PXDNL: variants seen among roughly 807,000 people sequenced by gnomAD.
PXDNL encodes the protein probable oxidoreductase PXDNL.
PXDNL carries 145 observed loss-of-function variants against 150.8 expected under a neutral mutation model. The ratio of observed to expected loss-of-function variants is 0.96; its 90% CI spans 0.84 to 1.10. The LOEUF (loss-of-function observed/expected upper bound fraction) is 1.10. PXDNL is among the 50% of genes least tolerant of loss of function. PXDNL has a pLI of 0.00. For synonymous variants in PXDNL, 757 were observed against 725.7 expected, an observed-to-expected ratio of 1.04 and a Z score of -0.69; for missense variants, 2,087 against 1,873.9, an observed-to-expected ratio of 1.11 and a Z score of -2.10.
intron 1 of PXDNL, among the ~76,000 whole-genome samples, chr8:51,678,179 A>G (rs1815666682): frequency 6.6e-6 from 1 of 152,226 alleles, no homozygotes; most frequent in Admixed American, 6.5e-5. Flanking sequence ...CAGTATAAGG[A>G]GAAGTAGGAG....
At chr8:51,762,966 C>T (rs1394537915) in intron 1 of PXDNL, among the ~76,000 whole-genome samples, 1 of 152,134 alleles carries the variant, frequency 6.6e-6, no homozygotes, top group Non-Finnish European at 1.5e-5. Context: ...TAAAATTTAT[C>T]TATTTAAAAT....
At chr8:51,336,125 A>C (rs1467790930) in intron 21 of PXDNL, among the ~76,000 whole-genome samples, 2 of 152,206 alleles carry the variant, frequency 1.3e-5, no homozygotes, top group Non-Finnish European at 2.9e-5. Context: ...CTAAAGGATG[A>C]GTCTCAAGAA....
chr8:51,408,708 G>C lies in PXDNL; in HGVS notation c.2916C>G (p.Thr972=), dbSNP rs1441827557. 6.3e-7 allele frequency: 1 copy of C among 1,593,912 alleles called. No individual in the cohort carries two copies. The highest frequency in any genetic ancestry group is 8.5e-7 in the Non-Finnish European group (1 of 1,169,956). Residue 972 remains threonine (T), a synonymous_variant, in exon 17 of 23, where the codon ACC becomes ACG. Coordinates refer to ENST00000356297, the MANE Select transcript of PXDNL (RefSeq NM_144651.5). ...TCCTGTTGTGTTCCCGGAACCACAG[G>C]GTGTGCATGGCGGCCAGAGCCAGAT... ...NEHLALAAMH[T]LWFREHNRMA...
intron 12 of PXDNL, among the ~76,000 whole-genome samples, chr8:51,439,075 G>A (rs983816784): frequency 5.9e-5 from 9 of 152,094 alleles, no homozygotes; most frequent in African/African-American, 2.2e-4. Context: ...ATAAATAAAT[G>A]GTTGTTAATT....
At chr8:51,726,179 C>A (rs1451399430) in intron 1 of PXDNL, among the ~76,000 whole-genome samples, 1 of 152,190 alleles carries the variant, frequency 6.6e-6, no homozygotes, top group African/African-American at 2.4e-5. Context: ...CAAATCAGTT[C>A]TTGAATAGTT....
rs1463490538 is a variant in PXDNL at position 51,409,030 on chromosome 8, G to C, written c.2594C>G (p.Ser865Cys). 3.7e-6 allele frequency: 6 copies of C among 1,610,352 alleles called. No individual in the cohort carries two copies. Among genetic ancestry groups the C allele is most frequent in the Non-Finnish European group, 3.4e-6 (4 of 1,179,756 alleles). The change falls in exon 17 of 23, where the codon TCC becomes TGC. Residue 865 changes from serine to cysteine, a missense_variant. Physicochemically the swap from Ser to Cys is moderately radical, Grantham distance 112. Coordinates refer to ENST00000356297, the MANE Select transcript of PXDNL (RefSeq NM_144651.5). ...THAPCMLFARSSPACASGRPS... is the reference protein window; with the variant it reads ...THAPCMLFARCSPACASGRPS... ...ACGGCCGCTGGCACACGCGGGGCTG[G>C]AGCGCGCGAAGAGCATGCAGGGCGC...
intron 17 of PXDNL, among the ~76,000 whole-genome samples, chr8:51,390,059 C>CG (rs1459040839): frequency 6.6e-6 from 1 of 151,876 alleles, no homozygotes; most frequent in African/African-American, 2.4e-5. Context: ...AGCCATGCCC[C>CG]CCCCACCAAA....
intron 6 of PXDNL, 128 bp from the exon 7 acceptor site, chr8:51,475,269 ATTAAC>A: frequency 2.4e-6 from 2 of 830,414 alleles, no homozygotes; most frequent in Non-Finnish European, 3.7e-6. Context: ...CCAGGATTCT[ATTAAC>A]CAATAAACAG....
chr8:51,559,355 T>TTGATTAA, intron 3 of PXDNL, among the ~76,000 whole-genome samples: 3 of 114,190 alleles, frequency 2.6e-5, no homozygotes, highest in Non-Finnish European at 5.7e-5. Flanking sequence ...GCCACCTTCT[T>TTGATTAA]TCCTGATTAA....
At chr8:51,496,137 A>C (rs1585524885) in intron 5 of PXDNL, among the ~76,000 whole-genome samples, 1 of 152,248 alleles carries the variant, frequency 6.6e-6, no homozygotes. Context: ...TATGGAAATC[A>C]ATAAATGTAA....
At chr8:51,662,091 C>T (rs1815284434) in intron 1 of PXDNL, among the ~76,000 whole-genome samples, 1 of 152,176 alleles carries the variant, frequency 6.6e-6, no homozygotes, top group South Asian at 2.1e-4. Flanking sequence ...CCAAGGAGAG[C>T]TGAGACTTGC....
intron 1 of PXDNL, among the ~76,000 whole-genome samples, chr8:51,745,251 C>A (rs2036970368): frequency 6.6e-6 from 1 of 152,028 alleles, no homozygotes; most frequent in Admixed American, 6.6e-5. Context: ...CTTAAAGGAC[C>A]TTTCATCAGT....
chr8:51,533,524 C>G (rs868624697), intron 4 of PXDNL, among the ~76,000 whole-genome samples: 5,847 of 139,022 alleles, frequency 0.042, 424 homozygotes, highest in African/African-American at 0.14. Flanking sequence ...TCTCCCTCCA[C>G]GGTCTCCCTC....
rs561907008 is a variant in PXDNL at position 51,720,854 on chromosome 8, G to T, written c.165-66094C>A. Among the ~76,000 whole-genome samples, 195 of 152,364 alleles carry T rather than the reference G, an allele frequency of 1.3e-3. 1 individual carries two copies. The highest frequency in any genetic ancestry group is 2.5e-3 in the South Asian group (12 of 4,832). On this transcript the variant is annotated intron_variant, in intron 1 of 22. Transcript: ENST00000356297. ...CCTGTGCAGGCTCCTGCCTAGGCCG[G>T]TGAAGGCAAGATAAGAGCAAGTGTT...
At chr8:51,675,877 G>T (rs1279700824) in intron 1 of PXDNL, among the ~76,000 whole-genome samples, 1 of 151,052 alleles carries the variant, frequency 6.6e-6, no homozygotes, top group Non-Finnish European at 1.5e-5. Flanking sequence ...TGATTTTCCT[G>T]CTGCAACGGA....
At chr8:51,610,042 T>C (rs1813965823) in intron 2 of PXDNL, among the ~76,000 whole-genome samples, 1 of 152,170 alleles carries the variant, frequency 6.6e-6, no homozygotes, top group Non-Finnish European at 1.5e-5. Flanking sequence ...TTTCCATTTT[T>C]TTTCAACACG....
chr8:51,492,099 G>C (rs1419593688), intron 5 of PXDNL, among the ~76,000 whole-genome samples: 2 of 152,218 alleles, frequency 1.3e-5, no homozygotes, highest in African/African-American at 4.8e-5. Context: ...GAAAGTGGTT[G>C]ACTGGCTCTT....
intron 2 of PXDNL, among the ~76,000 whole-genome samples, chr8:51,644,359 CACACAT>C (rs1563493792): frequency 5.1e-5 from 3 of 58,812 alleles, no homozygotes; most frequent in African/African-American, 1.1e-4. Context: ...CACACACACA[CACACAT>C]ATGTATATAT....
chr8:51,663,923 C>T (rs944138918), intron 1 of PXDNL, among the ~76,000 whole-genome samples: 3 of 151,978 alleles, frequency 2.0e-5, no homozygotes, highest in East Asian at 1.9e-4. Context: ...TGGTGGCACA[C>T]GCCCATGATC....
Sources: allele counts gnomAD v4.1 joint callset (sites outside exome capture counted in the v4.1 genomes callset), GRCh38; gene constraint gnomAD v4.1.1; transcripts MANE v1.5; gene names NCBI Gene and HGNC (gene_info 2026-07-23, HGNC 2026-07-21).